Variants in PIEZO2 observed in about 807,000 individuals in gnomAD.
The protein encoded by PIEZO2 is piezo type mechanosensitive ion channel component 2.
A neutral mutation model predicts 337.3 loss-of-function variants in PIEZO2; 172 were observed. The ratio of observed to expected loss-of-function variants is 0.51; its 90% confidence interval spans 0.45 to 0.58. The LOEUF (loss-of-function observed/expected upper bound fraction) is 0.58, where lower values mean the gene tolerates loss of function less well. Among genes scored for constraint, PIEZO2 ranks in the 20% least tolerant of loss-of-function variants. The pLI, the probability that PIEZO2 is intolerant of heterozygous loss-of-function variation, is 0.00. For missense variants in PIEZO2, 3,028 were observed against 3,391.3 expected (o/e 0.89, Z 2.66); for synonymous variants, 1,251 against 1,228.5 (o/e 1.02, Z -0.38).
chr18:10,861,199 C>A lies in PIEZO2; in HGVS notation c.493-3988G>T, dbSNP rs1379523944. 6.6e-6 allele frequency among the ~76,000 whole-genome samples: 1 copy of A among 152,138 alleles called. No homozygotes were observed. Among genetic ancestry groups the A allele is most frequent in the Non-Finnish European group, 1.5e-5 (1 of 68,036 alleles). ...CTGGAGCTGTAAGCTGTCCCTGCAG[C>A]GGAACAGAACTTCAATCTGGCCTTG... On this transcript the variant is annotated intron_variant, in intron 5 of 55. Transcript: ENST00000674853. This position sits in a 1 kb window ranked among gnomAD's most constrained non-coding sequence, Gnocchi z 4.3.
chr18:11,044,035 A>G (rs1004965519), intron 2 of PIEZO2, among the ~76,000 whole-genome samples: 4 of 152,084 alleles, frequency 2.6e-5, no homozygotes, highest in East Asian at 1.9e-4. Context: ...TAGTACTGAC[A>G]TTTCCCAAGA....
At chr18:11,046,502 C>T (rs1229242524) in intron 2 of PIEZO2, among the ~76,000 whole-genome samples, 2 of 152,260 alleles carry the variant, frequency 1.3e-5, no homozygotes, top group African/African-American at 4.8e-5. Context: ...AGTAATCAAT[C>T]CTCACCTACT....
intron 7 of PIEZO2, among the ~76,000 whole-genome samples, chr18:10,836,788 A>G (rs2041027495): frequency 6.6e-6 from 1 of 152,192 alleles, no homozygotes; most frequent in African/African-American, 2.4e-5. Context: ...TAGAACCTCA[A>G]TCCTGCTCAA....
chr18:10,671,797 TA>T lies in PIEZO2; in HGVS notation c.8346-19del. 1 of 1,589,848 alleles carries T rather than the reference TA, an allele frequency of 6.3e-7. No individual in the cohort carries two copies. The highest frequency in any genetic ancestry group is 8.6e-7 in the Non-Finnish European group (1 of 1,167,410). On this transcript the variant is annotated intron_variant, in intron 55 of 55. Coordinates refer to ENST00000674853, the MANE Select transcript of PIEZO2 (RefSeq NM_001378183.1). ...CCATAATACTGAAAAAAACAGTAAG[TA>T]GAAATTGCATACAGCAGTTAAATAT...
Position 10,979,296 on chromosome 18 carries a change from G to A in PIEZO2, c.286+239C>T, listed in dbSNP as rs568367325. On this transcript the variant is annotated intron_variant, in intron 3 of 55. Transcript: ENST00000674853. This position sits in a 1 kb window ranked among gnomAD's most constrained non-coding sequence, Gnocchi z 4.0. ...ATGAAAATGTCTTACATGCAGATAG[G>A]AGGTGATCTCCAATACATGCTGAAG... Among the ~76,000 whole-genome samples the A allele has an allele frequency of 6.6e-6, 1 of 151,734 alleles. No homozygotes were observed. Among genetic ancestry groups the A allele is most frequent in the Admixed American group, 6.6e-5 (1 of 15,244 alleles).
At chr18:10,851,959 A>G (rs1368140626) in intron 7 of PIEZO2, among the ~76,000 whole-genome samples, 3 of 152,214 alleles carry the variant, frequency 2.0e-5, no homozygotes, top group East Asian at 3.8e-4. Flanking sequence ...TCCTTAAGCC[A>G]GTAGAAAGAA....
Position 10,979,475 on chromosome 18 carries a change from T to C in PIEZO2, c.286+60A>G, listed in dbSNP as rs1231949702. 2 of 1,359,766 alleles carry C rather than the reference T, an allele frequency of 1.5e-6. No homozygotes were observed. The highest frequency in any genetic ancestry group is 1.9e-6 in the Non-Finnish European group (2 of 1,040,384). 84.2% of individuals were successfully genotyped at this position (1,359,766 alleles called of 1,614,324 possible). A position where few individuals can be genotyped will look rare whatever the true frequency, so the allele number is the denominator to read the frequency against. On this transcript the variant is annotated intron_variant, in intron 3 of 55. Coordinates refer to ENST00000674853, the MANE Select transcript of PIEZO2 (RefSeq NM_001378183.1). The surrounding 1 kb of genome is among the most constrained non-coding windows in gnomAD (Gnocchi z 4.0). Reference sequence around the variant, plus strand: ...ATGTGTGCGATGACACACAGCTTTATTATGCACGTATATAAAAGAAATAAA... The same window carrying C: ...ATGTGTGCGATGACACACAGCTTTACTATGCACGTATATAAAAGAAATAAA...
At chr18:10,949,896 C>G (rs1598736466) in intron 3 of PIEZO2, among the ~76,000 whole-genome samples, 1 of 152,334 alleles carries the variant, frequency 6.6e-6, no homozygotes, top group Non-Finnish European at 1.5e-5. Flanking sequence ...GCAGCCTCCT[C>G]TGGCTCAGAA....
chr18:10,739,015 C>G (rs1301534995), intron 33 of PIEZO2: 1 of 152,180 alleles, frequency 6.6e-6, no homozygotes, highest in Non-Finnish European at 1.5e-5. Context: ...AATTCTTACA[C>G]TTGGCTTCTC....
intron 47 of PIEZO2, among the ~76,000 whole-genome samples, chr18:10,694,699 G>C (rs2035005828): frequency 1.3e-5 from 2 of 152,168 alleles, no homozygotes; most frequent in Non-Finnish European, 2.9e-5. Flanking sequence ...GTCAGGAGCG[G>C]TGATGTGCAC....
At chr18:11,062,831 C>A (rs1238981021) in intron 2 of PIEZO2, among the ~76,000 whole-genome samples, 1 of 152,088 alleles carries the variant, frequency 6.6e-6, no homozygotes, top group African/African-American at 2.4e-5. Context: ...ACTAGTTCAA[C>A]CATTGTGGAA....
chr18:10,831,067 C>T (rs1346287782), intron 7 of PIEZO2, among the ~76,000 whole-genome samples: 1 of 152,194 alleles, frequency 6.6e-6, no homozygotes, highest in African/African-American at 2.4e-5. Flanking sequence ...CCCTTGTACA[C>T]TGCTGGTGGG....
At chr18:11,071,758 A>C (rs2625372) in intron 1 of PIEZO2, among the ~76,000 whole-genome samples, 1 of 151,976 alleles carries the variant, frequency 6.6e-6, no homozygotes, top group African/African-American at 2.4e-5. Context: ...TCCAACTCAC[A>C]GAAGACAGCC....
intron 2 of PIEZO2, among the ~76,000 whole-genome samples, chr18:11,051,369 G>GT (rs759597204): frequency 0.16 from 23,267 of 143,828 alleles, 3,739 homozygotes; most frequent in African/African-American, 0.43. Context: ...GTGTGTGTGT[G>GT]GGTGTGGGTG....
At chr18:11,066,312 ATG>A (rs1480406645) in intron 1 of PIEZO2, 90 bp from the exon 2 acceptor site, 4 of 897,650 alleles carry the variant, frequency 4.5e-6, no homozygotes, top group Non-Finnish European at 6.9e-6. Flanking sequence ...ATGGTCTCAG[ATG>A]TCACTGGATC....
At chr18:10,916,448 T>C (rs264286) in intron 3 of PIEZO2, among the ~76,000 whole-genome samples, 145,641 of 152,190 alleles carry the variant, frequency 0.96, 69,796 homozygotes, top group East Asian at 1. Context: ...AGGCAGAGGC[T>C]TGGTGAGAAT....
chr18:10,873,994 C>T (rs78042884), intron 4 of PIEZO2, among the ~76,000 whole-genome samples: 8,894 of 152,126 alleles, frequency 0.058, 287 homozygotes, highest in African/African-American at 0.09. Flanking sequence ...TAAAGAGTTT[C>T]TGCCCAGCAA....
At chr18:10,906,600 G>A (rs113202269) in intron 4 of PIEZO2, among the ~76,000 whole-genome samples, 15,242 of 151,554 alleles carry the variant, frequency 0.1, 903 homozygotes, top group African/African-American at 0.17. Flanking sequence ...TTGCTCTGTC[G>A]CCCAGGCTGG....
intron 7 of PIEZO2, among the ~76,000 whole-genome samples, chr18:10,842,355 A>C (rs767481080): frequency 6.6e-6 from 1 of 152,170 alleles, no homozygotes; most frequent in Non-Finnish European, 1.5e-5. Context: ...GTGCCTAATC[A>C]GGGGTGTTTG....
Sources: gnomAD v4.1 joint callset for allele counts (sites outside exome capture counted in the v4.1 genomes callset) on GRCh38, gnomAD v4.1.1 for gene constraint, Gnocchi (gnomAD v3.1) non-coding constraint, MANE v1.5 for transcripts, NCBI Gene and HGNC (gene_info 2026-07-23, HGNC 2026-07-21) for gene names.